Variants in UBN1 observed in about 807,000 individuals in gnomAD.
The protein encoded by UBN1 is ubinuclein-1.
Under a neutral mutation model 108.5 loss-of-function variants are expected in UBN1, and 17 were observed. The observed-to-expected ratio is 0.16, with a 90% CI of 0.11 to 0.24. UBN1 has a LOEUF of 0.24. Ranked by LOEUF, UBN1 falls within the 10% of genes least tolerant of loss-of-function variation. The probability of loss-of-function intolerance (pLI) is 1.00; values close to 1 mark genes in which losing one functional copy is unlikely to be tolerated. For synonymous variants in UBN1, 726 were observed against 564.2 expected (o/e 1.29, Z -4.07); for missense variants, 1,595 against 1,394.4 (o/e 1.14, Z -2.29).
chr16:4,852,837 A>G (rs2086621708), intron 1 of UBN1, 42 bp from the exon 2 acceptor site: 3 of 1,497,786 alleles, frequency 2.0e-6, no homozygotes, highest in Admixed American at 4.5e-5. Context: ...AAACTATTTT[A>G]TCATCTTCGT....
chr16:4,873,264 C>T (rs537156979), intron 14 of UBN1, among the ~76,000 whole-genome samples, 191 bp downstream of exon 14: 4 of 152,332 alleles, frequency 2.6e-5, no homozygotes, highest in South Asian at 2.1e-4. Flanking sequence ...CTTGGTTCTA[C>T]AAACAGTACC....
At chr16:4,858,522 G>T in intron 3 of UBN1, 46 bp from the exon 4 acceptor site, 1 of 1,560,428 alleles carries the variant, frequency 6.4e-7, no homozygotes, top group East Asian at 2.2e-5. Context: ...AGTTAATTCT[G>T]TGTGTTTATT....
Position 4,870,223 on chromosome 16 carries a change from A to G in UBN1, c.1193A>G (p.Gln398Arg). The G allele has an allele frequency of 6.2e-7, 1 of 1,614,250 alleles. No individual in the cohort carries two copies. Among genetic ancestry groups the G allele is most frequent in the Non-Finnish European group, 8.5e-7 (1 of 1,180,042 alleles). ...INGILLDIEA[Q>R]TRELSSQVRS... Reference sequence around the variant, plus strand: ...GTTTTGTTCTTCAGCATAGAGGCGCAGACTCGGGAGCTGAGCAGTCAGGTC... The same window carrying G: ...GTTTTGTTCTTCAGCATAGAGGCGCGGACTCGGGAGCTGAGCAGTCAGGTC... Residue 398 changes from glutamine (Q) to arginine (R), a missense_variant, in exon 9 of 18, where the codon CAG (glutamine) becomes CGG (arginine). Coordinates refer to ENST00000262376, the MANE Select transcript of UBN1 (RefSeq NM_001079514.3).
At position 4,880,067 on chromosome 16, in the gene UBN1, TCTTA is replaced by T; in HGVS notation, c.3356-13_3356-10del. 6.2e-7 allele frequency: 1 copy of T among 1,614,024 alleles called. No homozygotes were observed. Among genetic ancestry groups the T allele is most frequent in the South Asian group, 1.1e-5 (1 of 91,062 alleles). ...CATGAAAAACTTGCGTTCTAATTTT[TCTTA>T]CTCTTTTCCAGGTGCTTCTCAGCTT... is the stretch of plus-strand genomic sequence containing the variant. On this transcript the variant is annotated splice_polypyrimidine_tract_variant and intron_variant, in intron 17 of 17. Transcript: ENST00000262376.
At chr16:4,862,230 C>T (rs901330077) in intron 7 of UBN1, among the ~76,000 whole-genome samples, 2 of 152,146 alleles carry the variant, frequency 1.3e-5, no homozygotes, top group Non-Finnish European at 2.9e-5. Context: ...CTATAATATC[C>T]TTTGTGTTTT....
At chr16:4,873,627 G>A (rs1425752039) in intron 14 of UBN1, among the ~76,000 whole-genome samples, 1 of 152,180 alleles carries the variant, frequency 6.6e-6, no homozygotes, top group Non-Finnish European at 1.5e-5. Context: ...CCGTGAGAAT[G>A]AGATGTGCAA....
chr16:4,879,865 C>G (rs1036386067), intron 17 of UBN1, among the ~76,000 whole-genome samples: 3 of 151,812 alleles, frequency 2.0e-5, no homozygotes, highest in Non-Finnish European at 2.9e-5. Flanking sequence ...GAGTGACCAC[C>G]GACCTTCACA....
chr16:4,861,508 G>T (rs1277032148), intron 7 of UBN1, among the ~76,000 whole-genome samples: 1 of 152,244 alleles, frequency 6.6e-6, no homozygotes, highest in South Asian at 2.1e-4. Flanking sequence ...CAAGTTACAC[G>T]TAGAGTAGAT....
intron 7 of UBN1, among the ~76,000 whole-genome samples, chr16:4,867,796 C>T (rs981515064): frequency 6.6e-6 from 1 of 152,096 alleles, no homozygotes; most frequent in Admixed American, 6.5e-5. Flanking sequence ...TTAGCAGTGT[C>T]TGCAATTTCA....
chr16:4,870,391 G>A (rs752882810), intron 9 of UBN1, 50 bp downstream of exon 9: 5 of 1,611,562 alleles, frequency 3.1e-6, no homozygotes, highest in South Asian at 1.1e-5. Flanking sequence ...CTGGCGGAGG[G>A]GTGACTGAGT....
intron 1 of UBN1, chr16:4,852,674 C>T (rs904286373): frequency 4.7e-6 from 2 of 427,430 alleles, no homozygotes; most frequent in South Asian, 2.8e-5. Flanking sequence ...GGAAAAAAGA[C>T]TGGAAGTATG....
At chr16:4,870,374 T>C (rs1181504662) in intron 9 of UBN1, 33 bp downstream of exon 9, 1 of 1,612,780 alleles carries the variant, frequency 6.2e-7, no homozygotes, top group Non-Finnish European at 8.5e-7. Context: ...CCTTTGGCTT[T>C]GGGGTCCTGG....
rs1428132352 is a variant in UBN1, at chr16:4,880,537, CCTT to C, written c.*408_*410del. On this transcript the variant is annotated 3_prime_UTR_variant, in exon 18 of 18. Coordinates refer to ENST00000262376, the MANE Select transcript of UBN1 (RefSeq NM_001079514.3). ...CAGAGCACCCCACTGCTCAGGGGCTCCTTCTGGCTGCAGTAAGCTCCCTGGATG... is the reference window on the plus strand; with the variant it reads ...CAGAGCACCCCACTGCTCAGGGGCTCCTGGCTGCAGTAAGCTCCCTGGATG... 5.3e-6 allele frequency: 1 copy of C among 189,648 alleles called. No homozygotes were observed. The highest frequency in any genetic ancestry group is 1.1e-4 in the East Asian group (1 of 9,086). 11.7% of individuals were successfully genotyped at this position (189,648 alleles called of 1,614,324 possible).
chr16:4,879,391 A>G (rs2271135), intron 17 of UBN1, among the ~76,000 whole-genome samples: 19,162 of 152,100 alleles, frequency 0.13, 1,421 homozygotes, highest in Middle Eastern at 0.3. Flanking sequence ...GTGTGCTGTG[A>G]TCATGCTTGT....
intron 1 of UBN1, among the ~76,000 whole-genome samples, chr16:4,851,913 T>C (rs557486667): frequency 6.6e-6 from 1 of 152,226 alleles, no homozygotes; most frequent in Admixed American, 6.5e-5. Flanking sequence ...GAAGTACTTA[T>C]AAGAGATATG....
chr16:4,849,079 A>G lies in UBN1; in HGVS notation c.-40+869A>G, dbSNP rs555162425. On this transcript the variant is annotated intron_variant, in intron 1 of 17. Transcript: ENST00000262376. The stretch of plus-strand genomic sequence containing the variant: ...TATGTCACTGCACTCCAGCTAGGCG[A>G]CAGAGCGAGCGAGACTCGTCCCCCC... Among the ~76,000 whole-genome samples the G allele has an allele frequency of 2.6e-5, 4 of 152,358 alleles. No individual in the cohort carries two copies. In the South Asian group the frequency reaches 8.3e-4, roughly 32 times the overall value.
At chr16:4,879,689 T>C (rs559508605) in intron 17 of UBN1, among the ~76,000 whole-genome samples, 265 of 152,350 alleles carry the variant, frequency 1.7e-3, no homozygotes, top group African/African-American at 6.2e-3. Flanking sequence ...TGCCTTTGAA[T>C]TTGTCTTTAC....
At chr16:4,871,724 C>G (rs1183339727) in intron 12 of UBN1, among the ~76,000 whole-genome samples, 1 of 151,650 alleles carries the variant, frequency 6.6e-6, no homozygotes, top group Non-Finnish European at 1.5e-5. Context: ...GTAGCTGGGA[C>G]TACAGGTGCC....
intron 2 of UBN1, 54 bp from the exon 3 acceptor site, chr16:4,857,936 T>G: frequency 1.5e-6 from 2 of 1,356,970 alleles, no homozygotes. Context: ...TTTCTATGAA[T>G]AAGAACATGG....
Sources: allele counts gnomAD v4.1 joint callset (sites outside exome capture counted in the v4.1 genomes callset), GRCh38; gene constraint gnomAD v4.1.1; transcripts MANE v1.5; gene names NCBI Gene and HGNC (gene_info 2026-07-23, HGNC 2026-07-21).